Variants in GLI2 observed in about 807,000 individuals in gnomAD.
GLI2 encodes the protein GLI family zinc finger 2, also known as transcription activator GLI2.
A neutral mutation model predicts 78.9 loss-of-function variants in GLI2; 22 were observed. The ratio of observed to expected loss-of-function variants is 0.28; its 90% CI spans 0.20 to 0.40. GLI2 has a LOEUF of 0.40. Ranked by LOEUF, GLI2 falls within the 10% of genes least tolerant of loss-of-function variation. GLI2 has a pLI of 1.00. For missense variants in GLI2, 2,097 were observed against 2,213.2 expected (o/e 0.95, Z 1.05); for synonymous variants, 974 against 963.7 (o/e 1.01, Z -0.20).
intron 2 of GLI2, among the ~76,000 whole-genome samples, chr2:120,921,153 G>A (rs1679358485): frequency 6.6e-6 from 1 of 152,142 alleles, no homozygotes; most frequent in African/African-American, 2.4e-5. Context: ...GACAATCCGT[G>A]CTGGTCTGAA....
chr2:120,856,062 T>G (rs903993018), intron 2 of GLI2, among the ~76,000 whole-genome samples: 1 of 152,126 alleles, frequency 6.6e-6, no homozygotes, highest in Non-Finnish European at 1.5e-5. Context: ...AAAGGGGTCA[T>G]TTGAGGCTCA....
intron 1 of GLI2, among the ~76,000 whole-genome samples, chr2:120,777,569 G>T (rs553105082): frequency 6.6e-6 from 1 of 150,824 alleles, no homozygotes; most frequent in Non-Finnish European, 1.5e-5. Flanking sequence ...GCTTTGGGGG[G>T]TCTCTGCAGA....
intron 4 of GLI2, among the ~76,000 whole-genome samples, chr2:120,952,603 C>T (rs1329821977): frequency 1.3e-5 from 2 of 152,246 alleles, no homozygotes; most frequent in African/African-American, 4.8e-5. Context: ...AAAGAGAAAC[C>T]AAACAAGGCA....
chr2:120,906,401 C>G (rs1019725989), intron 2 of GLI2, among the ~76,000 whole-genome samples: 1 of 152,148 alleles, frequency 6.6e-6, no homozygotes, highest in African/African-American at 2.4e-5. Flanking sequence ...AGTGGAGCAC[C>G]CAGGGTCCAG....
chr2:120,976,319 A>G (rs1321970878), intron 9 of GLI2, among the ~76,000 whole-genome samples: 12 of 152,204 alleles, frequency 7.9e-5, no homozygotes, highest in African/African-American at 2.9e-4. Flanking sequence ...CACTTATGCA[A>G]CTTGCTCACA....
chr2:120,739,045 C>G (rs1682450326), intron 1 of GLI2, among the ~76,000 whole-genome samples: 2 of 152,164 alleles, frequency 1.3e-5, no homozygotes, highest in Non-Finnish European at 2.9e-5. Context: ...CGCAGGGCTT[C>G]TGGTCAGTGG....
chr2:120,921,095 G>T lies in GLI2; in HGVS notation c.149-6266G>T, dbSNP rs184191594. ...TTTCCCTCCTCAGCCTGGCCAGGGG[G>T]CTCTGAGCAAGGCATTCACCTCTGA... On this transcript the variant is annotated intron_variant, in intron 2 of 13. Transcript: ENST00000361492. 4.6e-5 allele frequency among the ~76,000 whole-genome samples: 7 copies of T among 152,228 alleles called. No individual in the cohort carries two copies. The East Asian group carries it at 1.3e-3, about 29-fold the overall frequency.
At chr2:120,767,970 C>T (rs1192773032) in intron 1 of GLI2, among the ~76,000 whole-genome samples, 3 of 152,198 alleles carry the variant, frequency 2.0e-5, no homozygotes, top group African/African-American at 4.8e-5. Flanking sequence ...CCTCACCCCC[C>T]ACCACAGTCA....
rs1434010725 is a variant in GLI2, at chr2:120,873,768, G to A, written c.149-53593G>A. ...GCTCCCCGAGCCTCCTCATCTGACC[G>A]AACCTGTGTCCACAGAGCATCTGAG... On this transcript the variant is annotated intron_variant, in intron 2 of 13. Transcript: ENST00000361492. Among the ~76,000 whole-genome samples the A allele has an allele frequency of 2.6e-5, 4 of 152,280 alleles. No individual in the cohort carries two copies. The East Asian group carries it at 5.8e-4, about 22-fold the overall frequency.
intron 1 of GLI2, among the ~76,000 whole-genome samples, chr2:120,747,610 T>G (rs929733638): frequency 6.6e-6 from 1 of 152,208 alleles, no homozygotes; most frequent in Non-Finnish European, 1.5e-5. Context: ...TGGTATTTAG[T>G]GGGTAGAGGC....
rs149163880 is a variant in GLI2, at chr2:120,990,223, G to A, written c.4258G>A (p.Gly1420Ser). The change falls in exon 14 of 14, where the codon GGT becomes AGT. Residue 1420 changes from glycine (G) to serine (S), a missense_variant. Around this residue, in one of 5 missense-constraint regions of GLI2, gnomAD observed 1,290 missense variants for 1,261.7 expected, o/e 1.02. Coordinates refer to ENST00000361492, the MANE Select transcript of GLI2 (RefSeq NM_001374353.1). ...VPPQPPPQDA[G>S]GAPDHSMLYY... Reference sequence around the variant, plus strand: ...TCCCCAGCCGCCTCCGCAGGACGCAGGTGGGGCCCCGGACCACAGCATGCT... The same window carrying A: ...TCCCCAGCCGCCTCCGCAGGACGCAAGTGGGGCCCCGGACCACAGCATGCT... 8.0e-5 allele frequency: 129 copies of A among 1,613,600 alleles called. No homozygotes were observed. In the African/African-American group the frequency reaches 1.5e-3, roughly 19 times the overall value.
At chr2:120,978,665 C>G in intron 10 of GLI2, 82 bp downstream of exon 10, 4 of 1,477,672 alleles carry the variant, frequency 2.7e-6, no homozygotes, top group Non-Finnish European at 3.7e-6. Flanking sequence ...TTGGAGGTGG[C>G]TGGCCACAGG....
chr2:120,937,819 CCA>C (rs1484541290), intron 3 of GLI2, among the ~76,000 whole-genome samples: 1 of 152,214 alleles, frequency 6.6e-6, no homozygotes, highest in Non-Finnish European at 1.5e-5. Context: ...AAAGGAAATT[CCA>C]CACACCACTT....
At chr2:120,911,575 C>T (rs917638663) in intron 2 of GLI2, among the ~76,000 whole-genome samples, 22 of 152,200 alleles carry the variant, frequency 1.4e-4, no homozygotes, top group African/African-American at 4.8e-4. Flanking sequence ...TCCTCGGGTT[C>T]TGTTTTCCAA....
chr2:120,824,478 C>G (rs1016902757), intron 2 of GLI2, among the ~76,000 whole-genome samples: 17 of 152,360 alleles, frequency 1.1e-4, no homozygotes, highest in African/African-American at 4.1e-4. Context: ...AGCTTTGGCT[C>G]TTACGTTCAC....
intron 2 of GLI2, among the ~76,000 whole-genome samples, chr2:120,895,015 A>G (rs1043454730): frequency 1.3e-5 from 2 of 149,454 alleles, no homozygotes; most frequent in Non-Finnish European, 3.0e-5. Flanking sequence ...TTTTCTTTCT[A>G]GTGCCTCAAT....
At chr2:120,740,352 C>T (rs1271360078) in intron 1 of GLI2, among the ~76,000 whole-genome samples, 1 of 151,690 alleles carries the variant, frequency 6.6e-6, no homozygotes, top group Non-Finnish European at 1.5e-5. Flanking sequence ...TAAGATGTGA[C>T]CAAAGAGTAC....
At chr2:120,927,902 A>T (rs750224096) in intron 3 of GLI2, among the ~76,000 whole-genome samples, 17 of 152,170 alleles carry the variant, frequency 1.1e-4, no homozygotes, top group Non-Finnish European at 1.5e-4. Flanking sequence ...ACCATACTTA[A>T]AAGGACAAGC....
chr2:120,922,574 G>A (rs1391974271), intron 2 of GLI2, among the ~76,000 whole-genome samples: 2 of 152,156 alleles, frequency 1.3e-5, no homozygotes, highest in African/African-American at 4.8e-5. Flanking sequence ...TGAAAAATGG[G>A]AATAAGAACA....
Sources: gnomAD v4.1 joint callset for allele counts (sites outside exome capture counted in the v4.1 genomes callset) on GRCh38, gnomAD v4.1.1 for gene constraint, gnomAD v4.1.1 regional missense constraint, MANE v1.5 for transcripts, NCBI Gene and HGNC (gene_info 2026-07-23, HGNC 2026-07-21) for gene names.